Variants in EDC3 observed in about 807,000 individuals in gnomAD.
The protein encoded by EDC3 is enhancer of mRNA-decapping protein 3.
In EDC3, 20 loss-of-function variants were observed where a neutral mutation model predicts 41.8. The ratio of observed to expected loss-of-function variants is 0.48; its 90% CI spans 0.34 to 0.70. The LOEUF is 0.70. Ranked by LOEUF, EDC3 falls within the 30% of genes least tolerant of loss-of-function variation. The pLI is 0.01. For synonymous variants in EDC3, 206 were observed against 243.2 expected (o/e 0.85, Z 1.42); for missense variants, 444 against 636.8 (o/e 0.70, Z 3.26).
chr15:74,650,536 T>C (rs1168812070), intron 4 of EDC3, among the ~76,000 whole-genome samples: 1 of 152,218 alleles, frequency 6.6e-6, no homozygotes, highest in Non-Finnish European at 1.5e-5. Flanking sequence ...GTGCACTTAA[T>C]GTCCACACTT....
chr15:74,646,493 G>A (rs1047928517), intron 4 of EDC3, among the ~76,000 whole-genome samples: 2 of 152,214 alleles, frequency 1.3e-5, no homozygotes, highest in Non-Finnish European at 2.9e-5. Flanking sequence ...TTTCAAATCA[G>A]GAGCTACAGG....
chr15:74,654,171 T>C (rs2062515165), intron 4 of EDC3, among the ~76,000 whole-genome samples: 1 of 151,614 alleles, frequency 6.6e-6, no homozygotes, highest in African/African-American at 2.4e-5. Flanking sequence ...GAGAATCGCT[T>C]GAACCCAGGA....
At chr15:74,663,203 G>A (rs117595921) in intron 3 of EDC3, among the ~76,000 whole-genome samples, 1 of 152,096 alleles carries the variant, frequency 6.6e-6, no homozygotes, top group Admixed American at 6.6e-5. Flanking sequence ...AGGAGAATTC[G>A]CTTGAAGCCA....
At chr15:74,643,663 G>A (rs79570204) in intron 4 of EDC3, 5,954 of 152,298 alleles carry the variant, frequency 0.039, 150 homozygotes, top group East Asian at 0.13. Flanking sequence ...CTCCCTTATG[G>A]ACACATATAT....
chr15:74,665,422 AG>A (rs1489007879), intron 3 of EDC3, among the ~76,000 whole-genome samples: 2 of 152,240 alleles, frequency 1.3e-5, no homozygotes, highest in African/African-American at 4.8e-5. Context: ...TCAAGCTCAT[AG>A]ACTAAGATTT....
At chr15:74,636,951 G>A (rs2062281087) in intron 5 of EDC3, 1 of 152,340 alleles carries the variant, frequency 6.6e-6, no homozygotes, top group Non-Finnish European at 1.5e-5. Flanking sequence ...CAGCGGCAAG[G>A]TGTAGAGTAT....
chr15:74,670,379 T>G (rs2062725741), intron 3 of EDC3, among the ~76,000 whole-genome samples: 1 of 152,196 alleles, frequency 6.6e-6, no homozygotes, highest in Non-Finnish European at 1.5e-5. Context: ...ACTATGGTTT[T>G]GGAAGGCAGC....
chr15:74,688,968 G>A (rs890835152), intron 1 of EDC3, among the ~76,000 whole-genome samples: 1 of 151,540 alleles, frequency 6.6e-6, no homozygotes, highest in African/African-American at 2.4e-5. Context: ...TGTATCAGAA[G>A]TTTATTCTTT....
At chr15:74,673,837 C>CAAAAAAAA (rs748537794) in intron 2 of EDC3, among the ~76,000 whole-genome samples, 1 of 47,264 alleles carries the variant, frequency 2.1e-5, no homozygotes, top group Admixed American at 2.3e-4. Flanking sequence ...GAGACTCCAT[C>CAAAAAAAA]AAAAAAAAAA....
At chr15:74,692,335 C>T (rs992125859) in intron 1 of EDC3, among the ~76,000 whole-genome samples, 8 of 152,170 alleles carry the variant, frequency 5.3e-5, no homozygotes, top group Non-Finnish European at 1.0e-4. Context: ...ATGACCAAAA[C>T]TAACTCAACT....
At chr15:74,685,434 T>C (rs910183304) in intron 1 of EDC3, among the ~76,000 whole-genome samples, 3 of 150,676 alleles carry the variant, frequency 2.0e-5, no homozygotes, top group Non-Finnish European at 4.4e-5. Flanking sequence ...GATAGATAGA[T>C]AGTGTGTGTG....
rs547197631 is a variant in EDC3 at position 74,652,288 on chromosome 15, T to C, written c.820+3445A>G. Among the ~76,000 whole-genome samples, 90 of 150,386 alleles carry C rather than the reference T, an allele frequency of 6.0e-4. 1 individual carries two copies. The highest frequency in any genetic ancestry group is 2.1e-3 in the African/African-American group (85 of 40,922). ...TGTCACCCAGGCTGGAGTGCAGTGC[T>C]GCGATCTCCGCTCACTGCAAGCTCC... On this transcript the variant is annotated intron_variant, in intron 4 of 6. Transcript: ENST00000315127.
chr15:74,639,427 T>C (rs1023426307), intron 5 of EDC3: 1 of 152,014 alleles, frequency 6.6e-6, no homozygotes, highest in African/African-American at 2.4e-5. Flanking sequence ...AATACCTTCT[T>C]CTTGGCCAGG....
Position 74,675,022 on chromosome 15 carries a change from T to G in EDC3, c.103A>C (p.Ile35Leu). 6.2e-7 allele frequency: 1 copy of G among 1,614,062 alleles called. No individual in the cohort carries two copies. The change falls in exon 2 of 7, where the codon ATT (isoleucine) becomes CTT (leucine). Residue 35 changes from isoleucine to leucine, a missense_variant. This residue lies in a region of EDC3 where 200 missense variants were observed against 244.0 expected (regional missense o/e 0.82). Coordinates refer to ENST00000315127, the MANE Select transcript of EDC3 (RefSeq NM_025083.5). ...VSAVDQVSQT[I>L]SLTRPFHNGV... ...TTATGGAAAGGCCGGGTGAGAGAAA[T>G]GGTCTGGCTGACCTGATCCACAGCT...
intron 1 of EDC3, among the ~76,000 whole-genome samples, chr15:74,677,359 CTT>C (rs747397931): frequency 1.6e-4 from 18 of 111,338 alleles, no homozygotes; most frequent in Admixed American, 2.0e-4. Context: ...CATGCCCAGC[CTT>C]TTTTTTTTTT....
At chr15:74,635,944 T>G (rs762076232) in intron 5 of EDC3, 4 of 339,358 alleles carry the variant, frequency 1.2e-5, no homozygotes, top group Non-Finnish European at 1.7e-5. Flanking sequence ...TGCAGCCTTG[T>G]CTGCTCTTCT....
chr15:74,683,301 G>A lies in EDC3; in HGVS notation c.-18-8159C>T, dbSNP rs531590505. ...TGTAATCCCAGCACTTTGGGAGGCT[G>A]AGGAGGGTGGATCACCTGAGGTCAG... On this transcript the variant is annotated intron_variant, in intron 1 of 6. Transcript: ENST00000315127. 2.6e-5 allele frequency among the ~76,000 whole-genome samples: 4 copies of A among 152,346 alleles called. No homozygotes were observed. The East Asian group carries it at 7.7e-4, about 29-fold the overall frequency.
rs770128960 is a variant in EDC3, at chr15:74,630,702, G to A, written c.*1910C>T. The A allele has an allele frequency of 6.6e-6, 1 of 152,260 alleles. No homozygotes were observed. The highest frequency in any genetic ancestry group is 2.4e-5 in the African/African-American group (1 of 41,442). 9.4% of individuals were successfully genotyped at this position (152,260 alleles called of 1,614,324 possible). On this transcript the variant is annotated 3_prime_UTR_variant, in exon 7 of 7. Coordinates refer to ENST00000315127, the MANE Select transcript of EDC3 (RefSeq NM_025083.5). ...CCCCTGAAAAGAACTGAAGACAGAGGAATCATACTTCTCTTTAATACCTCT... is the reference window on the plus strand; with the variant it reads ...CCCCTGAAAAGAACTGAAGACAGAGAAATCATACTTCTCTTTAATACCTCT...
rs1567149865 is a variant in EDC3 at position 74,632,660 on chromosome 15, G to A, written c.1479C>T (p.Tyr493=). 6.2e-7 allele frequency: 1 copy of A among 1,614,002 alleles called. No homozygotes were observed. The highest frequency in any genetic ancestry group is 1.3e-5 in the African/African-American group (1 of 74,946). Residue 493 remains tyrosine, a synonymous_variant, in exon 7 of 7, where the codon TAC becomes TAT. Transcript: ENST00000315127. This position sits in a 1 kb window ranked among gnomAD's most constrained non-coding sequence, Gnocchi z 4.0. ...CAAACTTGCAGCCAAAGGGCGAGTG[G>A]TAGTTGATGCCCACCTCCTGGAAGA... The part of the protein sequence containing the change: ...QQVFQEVGIN[Y]HSPFGCKFVI...
Sources: gnomAD v4.1 joint callset for allele counts (sites outside exome capture counted in the v4.1 genomes callset) on GRCh38, gnomAD v4.1.1 for gene constraint, gnomAD v4.1.1 regional missense constraint, Gnocchi (gnomAD v3.1) non-coding constraint, MANE v1.5 for transcripts, NCBI Gene and HGNC (gene_info 2026-07-23, HGNC 2026-07-21) for gene names.